GPC5: variants seen among roughly 807,000 people sequenced by gnomAD.
The protein encoded by GPC5 is glypican 5.
GPC5 carries 47 observed loss-of-function variants against 53.9 expected under a neutral mutation model. The ratio of observed to expected loss-of-function variants is 0.87; its 90% CI spans 0.69 to 1.11. GPC5 has a LOEUF of 1.11. GPC5 is among the 50% of genes most tolerant of loss of function. The probability of loss-of-function intolerance (pLI) is 0.00; values close to 1 mark genes in which losing one functional copy is unlikely to be tolerated. For missense variants in GPC5, 748 were observed against 713.1 expected (o/e 1.05, Z -0.56); for synonymous variants, 286 against 263.3 (o/e 1.09, Z -0.84).
rs766558283 is a variant in GPC5, at chr13:91,693,380, G to C, written c.519G>C (p.Leu173=). 1 of 1,614,000 alleles carries C rather than the reference G, an allele frequency of 6.2e-7. No individual in the cohort carries two copies. Reference sequence around the variant, plus strand: ...GATTTTTTGACAGTCTTTTTCCTCTGGTCTACAACCACCTCATTAACCCTG... The same window carrying C: ...GATTTTTTGACAGTCTTTTTCCTCTCGTCTACAACCACCTCATTAACCCTG... The part of the protein sequence containing the change: ...VNRFFDSLFP[L]VYNHLINPGV... Residue 173 remains leucine, a synonymous_variant, in exon 3 of 8, where the codon CTG becomes CTC. Coordinates refer to ENST00000377067, the MANE Select transcript of GPC5 (RefSeq NM_004466.6).
chr13:91,443,844 T>C (rs945831292), intron 1 of GPC5, among the ~76,000 whole-genome samples: 2 of 152,210 alleles, frequency 1.3e-5, no homozygotes, highest in Non-Finnish European at 2.9e-5. Context: ...TTACTTAACG[T>C]CTTCTTTATC....
intron 7 of GPC5, among the ~76,000 whole-genome samples, chr13:92,252,666 T>G (rs1462301892): frequency 6.6e-6 from 1 of 152,122 alleles, no homozygotes; most frequent in Admixed American, 6.6e-5. Flanking sequence ...ATATTTTAAC[T>G]GCTGAAAGTT....
chr13:91,963,014 C>T (rs1566365961), intron 6 of GPC5, among the ~76,000 whole-genome samples: 1 of 152,154 alleles, frequency 6.6e-6, no homozygotes, highest in Non-Finnish European at 1.5e-5. Flanking sequence ...AGAATAGTGA[C>T]TAAGTGTGGG....
chr13:92,610,672 C>T (rs1196768817), intron 7 of GPC5, among the ~76,000 whole-genome samples: 1 of 152,080 alleles, frequency 6.6e-6, no homozygotes, highest in South Asian at 2.1e-4. Flanking sequence ...ATTTAATTGA[C>T]TCATAGTTCA....
intron 7 of GPC5, among the ~76,000 whole-genome samples, chr13:92,570,240 T>C (rs932439037): frequency 3.9e-5 from 6 of 152,132 alleles, no homozygotes; most frequent in African/African-American, 1.4e-4. Context: ...TATCGGTGTA[T>C]TTTCTATAAT....
intron 7 of GPC5, among the ~76,000 whole-genome samples, chr13:92,749,995 G>A (rs1389831569): frequency 6.6e-6 from 1 of 152,140 alleles, no homozygotes; most frequent in Non-Finnish European, 1.5e-5. Context: ...TATGCAGCTT[G>A]ATAACTGCCA....
intron 7 of GPC5, among the ~76,000 whole-genome samples, chr13:92,376,924 G>A (rs2043699287): frequency 6.6e-6 from 1 of 152,160 alleles, no homozygotes; most frequent in African/African-American, 2.4e-5. Flanking sequence ...GCTGAGGCAG[G>A]AGAGTTGCTT....
intron 6 of GPC5, among the ~76,000 whole-genome samples, chr13:92,031,844 C>CATATTATATATAATATATAATATATTAT (rs2040852163): frequency 1.9e-5 from 1 of 52,400 alleles, no homozygotes; most frequent in African/African-American, 7.3e-5. Flanking sequence ...TAATATATTA[C>CATATTATATATAATATATAATATATTAT]ATATTATATA....
chr13:91,617,246 G>T (rs1189360766), intron 2 of GPC5, among the ~76,000 whole-genome samples: 1 of 152,164 alleles, frequency 6.6e-6, no homozygotes, highest in Non-Finnish European at 1.5e-5. Context: ...ATGTGGCTAT[G>T]TATGAGAGTG....
chr13:92,406,972 T>C (rs1169774130), intron 7 of GPC5, among the ~76,000 whole-genome samples: 1 of 152,234 alleles, frequency 6.6e-6, no homozygotes, highest in Non-Finnish European at 1.5e-5. Flanking sequence ...TAGTAACTTC[T>C]ACTACCCATT....
At chr13:92,669,030 G>T (rs904106428) in intron 7 of GPC5, among the ~76,000 whole-genome samples, 1 of 151,794 alleles carries the variant, frequency 6.6e-6, no homozygotes, top group Admixed American at 6.6e-5. Context: ...TAATAAAATT[G>T]TCCCCAGAAA....
chr13:91,753,341 G>T (rs1485195005), intron 4 of GPC5, among the ~76,000 whole-genome samples: 1 of 152,186 alleles, frequency 6.6e-6, no homozygotes, highest in East Asian at 1.9e-4. Context: ...TCTTATCTCA[G>T]GGAATGACAT....
intron 5 of GPC5, among the ~76,000 whole-genome samples, chr13:91,798,107 AT>A (rs1193469521): frequency 4.6e-5 from 7 of 152,208 alleles, no homozygotes; most frequent in Admixed American, 4.6e-4. Flanking sequence ...AGGAAGGGAA[AT>A]AAGATGTTGT....
At chr13:92,046,900 C>T (rs1439025062) in intron 6 of GPC5, among the ~76,000 whole-genome samples, 1 of 152,092 alleles carries the variant, frequency 6.6e-6, no homozygotes, top group Non-Finnish European at 1.5e-5. Context: ...CTATATGATA[C>T]CATTGAATGT....
intron 7 of GPC5, among the ~76,000 whole-genome samples, chr13:92,666,929 C>G (rs1474322206): frequency 1.3e-5 from 2 of 152,184 alleles, no homozygotes; most frequent in Non-Finnish European, 2.9e-5. Context: ...TCATTTGTCA[C>G]TCCTTCTCGG....
chr13:92,700,215 T>G (rs1047059864), intron 7 of GPC5, among the ~76,000 whole-genome samples: 6 of 151,924 alleles, frequency 3.9e-5, no homozygotes, highest in Non-Finnish European at 8.8e-5. Flanking sequence ...TTTGTTGGTT[T>G]GAAGTCTGTT....
intron 2 of GPC5, among the ~76,000 whole-genome samples, chr13:91,510,997 A>C (rs539068452): frequency 2.0e-5 from 3 of 152,112 alleles, no homozygotes; most frequent in Non-Finnish European, 4.4e-5. Flanking sequence ...TTACACATGG[A>C]AAGGTTTTGC....
chr13:92,431,939 A>G (rs904106729), intron 7 of GPC5, among the ~76,000 whole-genome samples: 1 of 152,180 alleles, frequency 6.6e-6, no homozygotes, highest in Non-Finnish European at 1.5e-5. Flanking sequence ...GAAGTTGTCA[A>G]AAATGAAGGC....
chr13:92,567,162 C>G (rs1882887766), intron 7 of GPC5, among the ~76,000 whole-genome samples: 1 of 152,084 alleles, frequency 6.6e-6, no homozygotes, highest in Non-Finnish European at 1.5e-5. Flanking sequence ...AGGCCATGTT[C>G]CCAGTGCTAA....
Sources: allele counts gnomAD v4.1 joint callset (sites outside exome capture counted in the v4.1 genomes callset), GRCh38; gene constraint gnomAD v4.1.1; transcripts MANE v1.5; gene names NCBI Gene and HGNC (gene_info 2026-07-23, HGNC 2026-07-21).